Variants in ABCA6 observed in about 807,000 individuals in gnomAD.
ABCA6 encodes the protein ATP binding cassette subfamily A member 6.
Under a neutral mutation model 191.2 loss-of-function variants are expected in ABCA6, and 164 were observed. That is an observed-to-expected ratio of 0.86 (90% CI 0.76 to 0.98). The LOEUF is 0.98. Ranked by LOEUF, ABCA6 falls within the 50% of genes least tolerant of loss-of-function variation. The pLI is 0.00. For missense variants in ABCA6, 1,958 were observed against 1,894.1 expected, an observed-to-expected ratio of 1.03 and a Z score of -0.63; for synonymous variants, 636 against 647.7, an observed-to-expected ratio of 0.98 and a Z score of 0.27.
intron 29 of ABCA6, 39 bp downstream of exon 29, chr17:69,087,314 T>C (rs2072822800): frequency 1.9e-6 from 3 of 1,601,774 alleles, no homozygotes; most frequent in Non-Finnish European, 2.6e-6. Context: ...AGTTCTTGAA[T>C]ATCTCCATTA....
chr17:69,134,320 T>C (rs1271195780), intron 5 of ABCA6, among the ~76,000 whole-genome samples: 2 of 152,116 alleles, frequency 1.3e-5, no homozygotes, highest in Non-Finnish European at 2.9e-5. Flanking sequence ...GGAGCCCTCA[T>C]GAATGGATTA....
At position 69,084,496 on chromosome 17, in the gene ABCA6, G is replaced by A; in HGVS notation, c.4196C>T (p.Ala1399Val). The A allele has an allele frequency of 6.2e-7, 1 of 1,614,116 alleles. No homozygotes were observed. The part of the protein sequence containing the change: ...ARLAIARLVS[A>V]FKLHEQLNVP... Reference sequence around the variant, plus strand: ...ATTCAGCTGCTCATGCAGTTTGAAAGCACTCACTAATCTGACAGAAAACAG... The same window carrying A: ...ATTCAGCTGCTCATGCAGTTTGAAAACACTCACTAATCTGACAGAAAACAG... The change falls in exon 33 of 39, where the codon GCT (alanine) becomes GTT (valine). Residue 1399 changes from alanine to valine, a missense_variant. Transcript: ENST00000284425.
At chr17:69,128,329 T>C (rs1478697120) in intron 8 of ABCA6, among the ~76,000 whole-genome samples, 1 of 152,034 alleles carries the variant, frequency 6.6e-6, no homozygotes, top group Non-Finnish European at 1.5e-5. Context: ...TTCATTATGT[T>C]AAATGAATAG....
At position 69,096,363 on chromosome 17, in the gene ABCA6, A is replaced by G. The variant is rs775061531; in HGVS notation, c.3295-10T>C. Reference sequence around the variant, plus strand: ...CAGGAGTAACTATAACCTGAGCATAAAAGAAATAATAACATAGTCAAAAAA... The same window carrying G: ...CAGGAGTAACTATAACCTGAGCATAGAAGAAATAATAACATAGTCAAAAAA... On this transcript the variant is annotated splice_polypyrimidine_tract_variant and intron_variant, in intron 24 of 38. Transcript: ENST00000284425. 1.5e-6 allele frequency: 2 copies of G among 1,367,846 alleles called. No individual in the cohort carries two copies. Among genetic ancestry groups the G allele is most frequent in the East Asian group, 2.4e-5 (1 of 41,558 alleles). The allele number at this position is 1,367,846 out of a possible 1,614,324, so 84.7% of individuals were successfully genotyped here.
chr17:69,123,059 T>G (rs2073679664), intron 10 of ABCA6, among the ~76,000 whole-genome samples, 180 bp downstream of exon 10: 1 of 151,682 alleles, frequency 6.6e-6, no homozygotes, highest in Non-Finnish European at 1.5e-5. Flanking sequence ...ATACACCTAA[T>G]GCTAAATGAC....
At chr17:69,112,156 A>T (rs780049277) in intron 16 of ABCA6, 27 bp downstream of exon 16, 4 of 1,537,996 alleles carry the variant, frequency 2.6e-6, no homozygotes, top group Non-Finnish European at 3.6e-6. Context: ...CAAACACATA[A>T]ATCCAATCTA....
At position 69,085,164 on chromosome 17, in the gene ABCA6, T is replaced by C; in HGVS notation, c.4048A>G (p.Ser1350Gly). 6.2e-7 allele frequency: 1 copy of C among 1,610,276 alleles called. No homozygotes were observed. The highest frequency in any genetic ancestry group is 8.5e-7 in the Non-Finnish European group (1 of 1,178,518). The stretch of plus-strand genomic sequence containing the variant: ...TACCCCAGGTGGCCCAAAACTGAAC[T>C]GCAGCCTTTCAGTTCCACCTAAAAA... ...TAGEVELKGC[S>G]SVLGHLGYCP... Residue 1350 changes from serine to glycine, a missense_variant, in exon 32 of 39, where the codon AGT becomes GGT. Coordinates refer to ENST00000284425, the MANE Select transcript of ABCA6 (RefSeq NM_080284.3).
intron 17 of ABCA6, chr17:69,108,937 TTCCTTA>T (rs2073363283): frequency 6.6e-6 from 1 of 152,230 alleles, no homozygotes; most frequent in African/African-American, 2.4e-5. Flanking sequence ...CAACATATAA[TTCCTTA>T]TTCTCCATCT....
chr17:69,123,478 A>T, intron 9 of ABCA6, 71 bp from the exon 10 acceptor site: 1 of 1,106,884 alleles, frequency 9.0e-7, no homozygotes, highest in Non-Finnish European at 1.2e-6. Flanking sequence ...CTTGCTAACA[A>T]CAATGCAGAA....
Position 69,089,465 on chromosome 17 carries a change from T to A in ABCA6, c.3606A>T (p.Ile1202=). ...TGCTGAGGTGGAAAGCCCTTCTTACTATGAAGCAGACTAGAAAATCAGTGG... is the reference window on the plus strand; with the variant it reads ...TGCTGAGGTGGAAAGCCCTTCTTACAATGAAGCAGACTAGAAAATCAGTGG... ...LSATDFLVCF[I]PYFQTLLFVF... The change falls in exon 27 of 39, where the codon ATA becomes ATT. Residue 1202 remains isoleucine (I), a splice_region_variant and synonymous_variant. Transcript: ENST00000284425. 6.2e-7 allele frequency: 1 copy of A among 1,613,640 alleles called. No homozygotes were observed. Among genetic ancestry groups the A allele is most frequent in the Non-Finnish European group, 8.5e-7 (1 of 1,179,790 alleles).
chr17:69,129,779 TTA>T (rs994075174), intron 6 of ABCA6, 28 bp from the exon 7 acceptor site: 1 of 1,496,330 alleles, frequency 6.7e-7, no homozygotes, highest in Non-Finnish European at 9.1e-7. Flanking sequence ...GTTATATAAA[TTA>T]TGTTAACTTA....
chr17:69,134,843 C>G, intron 4 of ABCA6, 101 bp from the exon 5 acceptor site: 1 of 746,264 alleles, frequency 1.3e-6, no homozygotes, highest in Non-Finnish European at 2.2e-6. Flanking sequence ...GAGACTCTAC[C>G]AGTAAACTTT....
Position 69,086,697 on chromosome 17 carries a change from A to G in ABCA6, c.3858T>C (p.Tyr1286=). ...VIIASCLHKE[Y]AGQKKSCFSK... ...AAAAGCAACTTTTCTTCTGGCCTGC[A>G]TATTCTTTGTGTAGACAGCTGGCAA... Residue 1286 remains tyrosine, a synonymous_variant, in exon 30 of 39, where the codon TAT becomes TAC. Coordinates refer to ENST00000284425, the MANE Select transcript of ABCA6 (RefSeq NM_080284.3). 6.2e-7 allele frequency: 1 copy of G among 1,612,620 alleles called. No individual in the cohort carries two copies. Among genetic ancestry groups the G allele is most frequent in the Non-Finnish European group, 8.5e-7 (1 of 1,179,292 alleles).
chr17:69,113,669 T>C lies in ABCA6; in HGVS notation c.1851A>G (p.Glu617=). 1 of 1,613,048 alleles carries C rather than the reference T, an allele frequency of 6.2e-7. No individual in the cohort carries two copies. The highest frequency in any genetic ancestry group is 8.5e-7 in the Non-Finnish European group (1 of 1,179,330). ...IQDNLAKHLS[E]GQKRKLTFGI... ...CAAAAGTCAGCTTTCTTTTCTGTCC[T>C]TCACTTAAATGTTTAGCAAGGTTAT... The change falls in exon 14 of 39, where the codon GAA becomes GAG. Residue 617 remains glutamate (E), a synonymous_variant. Transcript: ENST00000284425.
chr17:69,091,993 C>T (rs1416955410), intron 25 of ABCA6, among the ~76,000 whole-genome samples: 3 of 152,160 alleles, frequency 2.0e-5, no homozygotes, highest in African/African-American at 7.2e-5. Context: ...GTCTCTCAAC[C>T]AGACTACTGT....
intron 8 of ABCA6, among the ~76,000 whole-genome samples, chr17:69,127,823 A>G (rs1305129418): frequency 6.6e-6 from 1 of 152,116 alleles, no homozygotes; most frequent in Non-Finnish European, 1.5e-5. Context: ...TGTGTACTAG[A>G]ATGTTTGTAG....
At chr17:69,133,918 G>A (rs746353376) in intron 5 of ABCA6, 51 bp from the exon 6 acceptor site, 12 of 1,252,440 alleles carry the variant, frequency 9.6e-6, no homozygotes, top group Non-Finnish European at 1.3e-5. Flanking sequence ...ATAGAAACTG[G>A]TGAACTATGA....
At chr17:69,112,441 C>T (rs904806985) in intron 15 of ABCA6, 168 bp from the exon 16 acceptor site, 2 of 527,862 alleles carry the variant, frequency 3.8e-6, no homozygotes, top group Non-Finnish European at 3.4e-6. Flanking sequence ...AAAATTGATG[C>T]ATTTAAAATG....
At chr17:69,085,411 A>G (rs2072755753) in intron 31 of ABCA6, among the ~76,000 whole-genome samples, 1 of 151,966 alleles carries the variant, frequency 6.6e-6, no homozygotes, top group South Asian at 2.1e-4. Flanking sequence ...TTCTTGAGAA[A>G]CTGATGAGTA....
Sources: allele counts gnomAD v4.1 joint callset (sites outside exome capture counted in the v4.1 genomes callset), GRCh38; gene constraint gnomAD v4.1.1; transcripts MANE v1.5; gene names NCBI Gene and HGNC (gene_info 2026-07-23, HGNC 2026-07-21).